The following B3GALT1 variants were observed in gnomAD, a reference collection of about 807,000 sequenced individuals.
B3GALT1 encodes the protein beta-1,3-galactosyltransferase 1, also known as UDP-Gal:betaGlcNAc beta 1,3-galactosyltransferase, polypeptide 1.
Under a neutral mutation model 23.2 loss-of-function variants are expected in B3GALT1, and 10 were observed. That is an observed-to-expected ratio of 0.43 (90% CI 0.27 to 0.73). The LOEUF (loss-of-function observed/expected upper bound fraction) is 0.73, where lower values mean the gene tolerates loss of function less well. Among genes scored for constraint, B3GALT1 ranks in the 30% least tolerant of loss-of-function variants. The probability of loss-of-function intolerance (pLI) is 0.21; values close to 1 mark genes in which losing one functional copy is unlikely to be tolerated. For missense variants in B3GALT1, 299 were observed against 405.4 expected (o/e 0.74, Z 2.25); for synonymous variants, 156 against 141.5 (o/e 1.10, Z -0.73).
intron 3 of B3GALT1, among the ~76,000 whole-genome samples, chr2:167,783,524 A>G (rs576458615): frequency 6.6e-6 from 1 of 152,344 alleles, no homozygotes; most frequent in South Asian, 2.1e-4. Flanking sequence ...AAAAAGGAAT[A>G]GACATTTTCC....
At chr2:167,523,219 C>A (rs756592761) in intron 2 of B3GALT1, among the ~76,000 whole-genome samples, 1 of 152,128 alleles carries the variant, frequency 6.6e-6, no homozygotes, top group Non-Finnish European at 1.5e-5. Flanking sequence ...GAAAGAACAT[C>A]TTAATCTGAA....
At chr2:167,723,598 T>G (rs193245416) in intron 3 of B3GALT1, among the ~76,000 whole-genome samples, 2 of 152,116 alleles carry the variant, frequency 1.3e-5, no homozygotes, top group Admixed American at 1.3e-4. Context: ...TGGTGTGATC[T>G]CAACTCACTG....
intron 3 of B3GALT1, among the ~76,000 whole-genome samples, chr2:167,794,153 A>T (rs1688498257): frequency 6.6e-6 from 1 of 152,184 alleles, no homozygotes; most frequent in African/African-American, 2.4e-5. Flanking sequence ...CTCTGCTTCT[A>T]ACTGCTTTGA....
intron 3 of B3GALT1, among the ~76,000 whole-genome samples, chr2:167,712,472 A>T (rs1365859691): frequency 6.6e-6 from 1 of 151,684 alleles, no homozygotes; most frequent in African/African-American, 2.4e-5. Flanking sequence ...GCCAGATGGC[A>T]GCCTGGGGGG....
intron 2 of B3GALT1, among the ~76,000 whole-genome samples, chr2:167,547,126 AC>A (rs1683650832): frequency 1.3e-5 from 2 of 152,146 alleles, no homozygotes; most frequent in African/African-American, 4.8e-5. Context: ...TCAATACCAC[AC>A]ACAGTTGCTT....
At chr2:167,816,019 A>G (rs1345563602) in intron 3 of B3GALT1, among the ~76,000 whole-genome samples, 2 of 152,222 alleles carry the variant, frequency 1.3e-5, no homozygotes, top group African/African-American at 2.4e-5. Context: ...TATATTCTGG[A>G]AAGTTGCAGT....
chr2:167,503,740 G>T (rs1211784835), intron 2 of B3GALT1, among the ~76,000 whole-genome samples: 1 of 151,944 alleles, frequency 6.6e-6, no homozygotes, highest in Non-Finnish European at 1.5e-5. Flanking sequence ...TTTCTAAATT[G>T]CAATTTTAAA....
intron 2 of B3GALT1, among the ~76,000 whole-genome samples, chr2:167,505,525 G>C (rs964575864): frequency 2.0e-5 from 3 of 152,062 alleles, no homozygotes; most frequent in African/African-American, 4.8e-5. Context: ...AAGACTCTAA[G>C]GAACAGGTAA....
At chr2:167,838,592 A>G (rs1689549384) in intron 4 of B3GALT1, among the ~76,000 whole-genome samples, 1 of 152,286 alleles carries the variant, frequency 6.6e-6, no homozygotes, top group Non-Finnish European at 1.5e-5. Context: ...GAATTCTACC[A>G]GAGGTACAAG....
At chr2:167,634,677 A>T (rs929459736) in intron 2 of B3GALT1, among the ~76,000 whole-genome samples, 2 of 152,136 alleles carry the variant, frequency 1.3e-5, no homozygotes, top group Admixed American at 6.5e-5. Context: ...GAATAGACCA[A>T]TTACAAGTTC....
chr2:167,805,459 A>C (rs1688731784), intron 3 of B3GALT1, among the ~76,000 whole-genome samples: 1 of 152,156 alleles, frequency 6.6e-6, no homozygotes, highest in Non-Finnish European at 1.5e-5. Flanking sequence ...TTATGGTTTT[A>C]GGTCTAACAT....
chr2:167,422,570 C>T (rs989155558), intron 1 of B3GALT1, among the ~76,000 whole-genome samples: 7 of 152,254 alleles, frequency 4.6e-5, no homozygotes, highest in African/African-American at 1.7e-4. Flanking sequence ...CACTTTATGC[C>T]AAGTGAGAGG....
At chr2:167,629,486 T>C (rs1342030867) in intron 2 of B3GALT1, among the ~76,000 whole-genome samples, 1 of 151,750 alleles carries the variant, frequency 6.6e-6, no homozygotes, top group African/African-American at 2.4e-5. Context: ...TTCTCATACA[T>C]GAATTAAGTT....
chr2:167,780,125 A>G (rs1688222773), intron 3 of B3GALT1, among the ~76,000 whole-genome samples: 1 of 152,208 alleles, frequency 6.6e-6, no homozygotes, highest in Admixed American at 6.5e-5. Flanking sequence ...TGTAACCTCC[A>G]CCGTATTCTA....
intron 3 of B3GALT1, among the ~76,000 whole-genome samples, chr2:167,786,965 G>A (rs754747366): frequency 1.4e-4 from 21 of 152,078 alleles, no homozygotes; most frequent in Non-Finnish European, 2.2e-4. Flanking sequence ...TTTTAACCTC[G>A]TCATGTGATT....
intron 3 of B3GALT1, among the ~76,000 whole-genome samples, chr2:167,782,709 A>T (rs1167499390): frequency 6.6e-6 from 1 of 152,184 alleles, no homozygotes. Context: ...CAGGGTGTGC[A>T]TGTTAAGATT....
rs550127525 is a variant in B3GALT1, at chr2:167,663,153, C to A, written c.-352+16187C>A. Among the ~76,000 whole-genome samples the A allele has an allele frequency of 2.2e-5, 3 of 135,630 alleles. No individual in the cohort carries two copies. The South Asian group carries it at 7.2e-4, about 33-fold the overall frequency. The allele number at this position is 135,630 out of a possible 152,430, so 89.0% of individuals were successfully genotyped here. On this transcript the variant is annotated intron_variant, in intron 3 of 4. Transcript: ENST00000392690. ...GTCCCAAGAGTGTGATGTTCCCCTT[C>A]CTGTGTCCATGTGTTCTCATTGTTC...
At chr2:167,841,874 TTAAG>T (rs1689659412) in intron 4 of B3GALT1, among the ~76,000 whole-genome samples, 1 of 152,252 alleles carries the variant, frequency 6.6e-6, no homozygotes, top group South Asian at 2.1e-4. Flanking sequence ...AAGACTATAT[TTAAG>T]TAACTTTTCA....
chr2:167,336,011 T>TA lies in B3GALT1; in HGVS notation c.-511+42686dup, dbSNP rs555283831. On this transcript the variant is annotated intron_variant, in intron 1 of 4. Coordinates refer to ENST00000392690, the MANE Select transcript of B3GALT1 (RefSeq NM_020981.4). Reference sequence around the variant, plus strand: ...AATGGGAGAATAAGCAAGTTTTGATTAAAAAAAAACGATATTTTGCATGCA... The same window carrying TA: ...AATGGGAGAATAAGCAAGTTTTGATTAAAAAAAAAACGATATTTTGCATGCA... Among the ~76,000 whole-genome samples the TA allele has an allele frequency of 4.1e-3, 614 of 150,848 alleles. 5 individuals are homozygous for TA. The highest frequency in any genetic ancestry group is 8.6e-3 in the South Asian group (41 of 4,744).
Sources: allele counts gnomAD v4.1 joint callset (sites outside exome capture counted in the v4.1 genomes callset), GRCh38; gene constraint gnomAD v4.1.1; transcripts MANE v1.5; gene names NCBI Gene and HGNC (gene_info 2026-07-23, HGNC 2026-07-21).